Variants in SMAD5 observed in about 807,000 individuals in gnomAD.
SMAD5 encodes the protein SMAD family member 5, also known as MAD, mothers against decapentaplegic homolog 5.
In SMAD5, 9 loss-of-function variants were observed where a neutral mutation model predicts 43.1. The ratio of observed to expected loss-of-function variants is 0.21; its 90% CI spans 0.13 to 0.36. The LOEUF is 0.36. Among genes scored for constraint, SMAD5 ranks in the 10% least tolerant of loss-of-function variants. The pLI is 1.00. For synonymous variants in SMAD5, 190 were observed against 192.4 expected (o/e 0.99, Z 0.10); for missense variants, 348 against 574.0 (o/e 0.61, Z 4.02).
At position 136,166,166 on chromosome 5, in the gene SMAD5, CT is replaced by C. The variant is rs760440947; in HGVS notation, c.775+2788del. ...GTGGGTTGTTCTGTATTTTTTTTAT[CT>C]TTTTTTTTTTTTGGATAATTGACAA... On this transcript the variant is annotated intron_variant, in intron 5 of 7. Transcript: ENST00000545279. 6.6e-3 allele frequency among the ~76,000 whole-genome samples: 910 copies of C among 138,128 alleles called. 4 individuals are homozygous for C. The highest frequency in any genetic ancestry group is 0.014 in the African/African-American group (545 of 37,986). The allele number at this position is 138,128 out of a possible 152,430, so 90.6% of individuals were successfully genotyped here. A position where few individuals can be genotyped will look rare whatever the true frequency, so the allele number is the denominator to read the frequency against.
chr5:136,138,672 A>AC (rs776866803), intron 1 of SMAD5, among the ~76,000 whole-genome samples: 3 of 151,750 alleles, frequency 2.0e-5, no homozygotes, highest in African/African-American at 7.3e-5. Flanking sequence ...TTAAAGCTTT[A>AC]CCCCCACATC....
At chr5:136,164,030 A>G (rs969147481) in intron 5 of SMAD5, among the ~76,000 whole-genome samples, 5 of 152,118 alleles carry the variant, frequency 3.3e-5, no homozygotes, top group South Asian at 2.1e-4. Context: ...TAAAAATACA[A>G]TAAAAATAAA....
At chr5:136,169,276 G>A (rs1254023437) in intron 5 of SMAD5, among the ~76,000 whole-genome samples, 2 of 152,164 alleles carry the variant, frequency 1.3e-5, no homozygotes, top group African/African-American at 4.8e-5. Context: ...TCCATCTTCT[G>A]CCTGCCTGCT....
intron 3 of SMAD5, among the ~76,000 whole-genome samples, chr5:136,157,342 C>G (rs1333795232): frequency 2.0e-5 from 3 of 152,120 alleles, no homozygotes; most frequent in Non-Finnish European, 4.4e-5. Context: ...ACAGTGCACC[C>G]TAAGCTTTTT....
chr5:136,133,081 G>A (rs1208989370), intron 1 of SMAD5, 119 bp downstream of exon 1: 2 of 152,346 alleles, frequency 1.3e-5, no homozygotes, highest in African/African-American at 4.8e-5. Flanking sequence ...ACGACCCAGG[G>A]CCTGTCGGGC....
In SMAD5 at chr5:136,172,483, C is replaced by G; in HGVS notation, c.825C>G (p.Val275=). The change falls in exon 6 of 8, where the codon GTC becomes GTG. Residue 275 remains valine (V), a synonymous_variant. Transcript: ENST00000545279. ...YEEPKHWCSI[V]YYELNNRVGE... is the part of the protein sequence containing the mutation. ...AGCCTAAACATTGGTGTTCAATAGT[C>G]TACTATGAATTAAACAATCGTGTTG... 6.2e-7 allele frequency: 1 copy of G among 1,613,050 alleles called. No homozygotes were observed. The highest frequency in any genetic ancestry group is 8.5e-7 in the Non-Finnish European group (1 of 1,179,220).
At chr5:136,161,399 T>C (rs567131972) in intron 4 of SMAD5, among the ~76,000 whole-genome samples, 1 of 152,372 alleles carries the variant, frequency 6.6e-6, no homozygotes, top group South Asian at 2.1e-4. Flanking sequence ...ATGAAAGCTA[T>C]GGCATTCAAT....
intron 3 of SMAD5, among the ~76,000 whole-genome samples, chr5:136,158,467 T>C (rs890765698): frequency 6.6e-6 from 1 of 151,986 alleles, no homozygotes; most frequent in African/African-American, 2.4e-5. Context: ...GTCAAGAAAA[T>C]TCAACTTTTT....
intron 1 of SMAD5, among the ~76,000 whole-genome samples, chr5:136,145,449 A>T (rs1185849251): frequency 6.6e-6 from 1 of 152,016 alleles, no homozygotes; most frequent in Non-Finnish European, 1.5e-5. Flanking sequence ...AACATTCTTC[A>T]TACTTACATT....
intron 6 of SMAD5, among the ~76,000 whole-genome samples, chr5:136,173,615 A>T (rs1281554394): frequency 6.6e-6 from 1 of 151,986 alleles, no homozygotes; most frequent in African/African-American, 2.4e-5. Context: ...ATTTAAGGGA[A>T]ATCTATTTTG....
At chr5:136,149,640 G>A (rs940767428) in intron 2 of SMAD5, among the ~76,000 whole-genome samples, 1 of 151,766 alleles carries the variant, frequency 6.6e-6, no homozygotes, top group Non-Finnish European at 1.5e-5. Context: ...TGAAGGATCT[G>A]TTCAGATCTT....
At chr5:136,158,026 T>C (rs1753699479) in intron 3 of SMAD5, among the ~76,000 whole-genome samples, 1 of 152,236 alleles carries the variant, frequency 6.6e-6, no homozygotes, top group South Asian at 2.1e-4. Context: ...GATGAGTTGG[T>C]GCCTTAAAAA....
intron 3 of SMAD5, among the ~76,000 whole-genome samples, chr5:136,156,965 A>T (rs1753659413): frequency 6.6e-6 from 1 of 152,158 alleles, no homozygotes; most frequent in Non-Finnish European, 1.5e-5. Context: ...ACCCCCCATG[A>T]TTAAGCAGCT....
intron 3 of SMAD5, among the ~76,000 whole-genome samples, chr5:136,159,329 T>C (rs1022560024): frequency 3.9e-5 from 6 of 152,192 alleles, no homozygotes; most frequent in African/African-American, 1.2e-4. Context: ...GTAAATGTTA[T>C]AAGAGATGGC....
intron 1 of SMAD5, among the ~76,000 whole-genome samples, chr5:136,143,571 C>T (rs1250422853): frequency 6.6e-6 from 1 of 151,926 alleles, no homozygotes; most frequent in Non-Finnish European, 1.5e-5. Context: ...AGCTGATTGT[C>T]ACCTCCTAGC....
chr5:136,158,158 A>G (rs1188310281), intron 3 of SMAD5, among the ~76,000 whole-genome samples: 1 of 152,168 alleles, frequency 6.6e-6, no homozygotes, highest in Non-Finnish European at 1.5e-5. Flanking sequence ...TTTCCAAGAA[A>G]TAATATCAAA....
At chr5:136,160,690 T>G (rs1753792831) in intron 3 of SMAD5, among the ~76,000 whole-genome samples, 166 bp from the exon 4 acceptor site, 1 of 152,108 alleles carries the variant, frequency 6.6e-6, no homozygotes, top group Non-Finnish European at 1.5e-5. Flanking sequence ...TGGATTCAGT[T>G]TTTATGTAAA....
intron 1 of SMAD5, among the ~76,000 whole-genome samples, chr5:136,140,030 T>C (rs1377308655): frequency 6.6e-6 from 1 of 151,114 alleles, no homozygotes; most frequent in Non-Finnish European, 1.5e-5. Context: ...ACTCTTTTTT[T>C]TTTTTTTTTT....
intron 1 of SMAD5, among the ~76,000 whole-genome samples, chr5:136,145,593 C>G (rs1284451548): frequency 6.6e-6 from 1 of 151,864 alleles, no homozygotes; most frequent in Non-Finnish European, 1.5e-5. Flanking sequence ...TGACTGTATG[C>G]TTATTGAAAT....
Sources: allele counts gnomAD v4.1 joint callset (sites outside exome capture counted in the v4.1 genomes callset), GRCh38; gene constraint gnomAD v4.1.1; transcripts MANE v1.5; gene names NCBI Gene and HGNC (gene_info 2026-07-23, HGNC 2026-07-21).